Variants in CEP57L1 observed in about 807,000 individuals in gnomAD.
CEP57L1 encodes centrosomal protein 57 like 1.
CEP57L1 carries 37 observed loss-of-function variants against 61.0 expected under a neutral mutation model. The observed-to-expected ratio is 0.61, with a 90% CI of 0.47 to 0.80. The LOEUF (loss-of-function observed/expected upper bound fraction) is 0.80. CEP57L1 is among the 30% of genes least tolerant of loss of function. The pLI is 0.00. For missense variants in CEP57L1, 422 were observed against 524.7 expected, an observed-to-expected ratio of 0.80 and a Z score of 1.91; for synonymous variants, 137 against 162.3, an observed-to-expected ratio of 0.84 and a Z score of 1.19.
rs181369092 is a variant in CEP57L1 at position 109,158,787 on chromosome 6, T to G, written c.745-238T>G. 1.6e-4 allele frequency: 90 copies of G among 557,176 alleles called. 1 individual carries two copies. In the East Asian group the frequency reaches 2.7e-3, roughly 17 times the overall value. 34.5% of individuals were successfully genotyped at this position (557,176 alleles called of 1,614,324 possible). A position where few individuals can be genotyped will look rare whatever the true frequency, so the allele number is the denominator to read the frequency against. On this transcript the variant is annotated intron_variant, in intron 7 of 10. Coordinates refer to ENST00000517392, the MANE Select transcript of CEP57L1 (RefSeq NM_001271852.3). ...TTGTCACTGTTTTTTATTTTGGCCA[T>G]TCTGATAGATGTGCAGTGATATTTC...
intron 1 of CEP57L1, among the ~76,000 whole-genome samples, chr6:109,134,567 A>G (rs1031724687): frequency 6.6e-6 from 1 of 152,182 alleles, no homozygotes; most frequent in Non-Finnish European, 1.5e-5. Context: ...GGCCAGGGCA[A>G]TCAGGCAGGA....
intron 1 of CEP57L1, among the ~76,000 whole-genome samples, chr6:109,137,323 A>G (rs1176096640): frequency 6.6e-6 from 1 of 151,800 alleles, no homozygotes; most frequent in Non-Finnish European, 1.5e-5. Flanking sequence ...TTTCTTTGAG[A>G]TGGAGTCTCA....
chr6:109,105,664 C>G, intron 1 of CEP57L1, among the ~76,000 whole-genome samples: 1 of 152,094 alleles, frequency 6.6e-6, no homozygotes, highest in East Asian at 1.9e-4. Flanking sequence ...TTGCCATTAT[C>G]CCTATGATTC....
chr6:109,154,003 A>T (rs1011551195), intron 5 of CEP57L1, 54 bp downstream of exon 5: 4 of 933,684 alleles, frequency 4.3e-6, no homozygotes, highest in Non-Finnish European at 6.8e-6. Flanking sequence ...TGTTAAGCAT[A>T]ATTGGTATTT....
intron 1 of CEP57L1, among the ~76,000 whole-genome samples, chr6:109,136,705 ATTTTATT>A (rs1562100417): frequency 2.5e-5 from 2 of 78,676 alleles, no homozygotes; most frequent in Non-Finnish European, 5.7e-5. Context: ...TTGTATTTTT[ATTTTATT>A]TTATTTTATT....
At chr6:109,095,269 A>G, upstream of CEP57L1, 1 of 985,760 alleles carries the variant, frequency 1.0e-6, no homozygotes, top group Non-Finnish European at 1.2e-6. Context: ...GTAGAAGTAC[A>G]CTGAGACTTC....
At chr6:109,148,746 G>T (rs1324999581) in intron 3 of CEP57L1, among the ~76,000 whole-genome samples, 1 of 152,126 alleles carries the variant, frequency 6.6e-6, no homozygotes, top group Non-Finnish European at 1.5e-5. Flanking sequence ...CAATGTAAAA[G>T]TGTTCCTATT....
intron 1 of CEP57L1, among the ~76,000 whole-genome samples, chr6:109,139,446 G>A (rs1388102973): frequency 1.3e-5 from 2 of 151,876 alleles, no homozygotes; most frequent in African/African-American, 2.4e-5. Flanking sequence ...ATTACAGTAT[G>A]AGCCATCTCG....
At chr6:109,144,766 G>A (rs1583585192) in intron 1 of CEP57L1, among the ~76,000 whole-genome samples, 1 of 151,958 alleles carries the variant, frequency 6.6e-6, no homozygotes, top group Admixed American at 6.6e-5. Context: ...AATCCCTTAG[G>A]AAGCCATACA....
chr6:109,160,655 T>G lies in CEP57L1; in HGVS notation c.1100T>G (p.Leu367Ter). ...GACATAGAATGTGAACTAGAGTGTTTACTCAAGAAAATGGAAATTAAAGGA... is the reference window on the plus strand; with the variant it reads ...GACATAGAATGTGAACTAGAGTGTTGACTCAAGAAAATGGAAATTAAAGGA... ...CDDIECELEC[L>*]LKKMEIKGEQ... is the part of the protein sequence containing the mutation. Residue 367 changes from leucine (L) to a stop codon, truncating the protein, a stop_gained, in exon 10 of 11, where the codon TTA (leucine) becomes TGA (stop). Coordinates refer to ENST00000517392, the MANE Select transcript of CEP57L1 (RefSeq NM_001271852.3). LOFTEE classifies it high-confidence loss of function. 1 of 1,608,628 alleles carries G rather than the reference T, an allele frequency of 6.2e-7. No homozygotes were observed. Among genetic ancestry groups the G allele is most frequent in the Non-Finnish European group, 8.5e-7 (1 of 1,177,600 alleles).
chr6:109,151,869 T>C (rs1221814399), intron 4 of CEP57L1, among the ~76,000 whole-genome samples: 1 of 152,214 alleles, frequency 6.6e-6, no homozygotes, highest in Non-Finnish European at 1.5e-5. Context: ...AGAGTTCTTC[T>C]CTGTATTCCT....
chr6:109,113,692 T>G (rs972839408), intron 1 of CEP57L1, among the ~76,000 whole-genome samples: 1 of 152,164 alleles, frequency 6.6e-6, no homozygotes, highest in Non-Finnish European at 1.5e-5. Context: ...ATGTTAAATG[T>G]GAAAAAATGT....
intron 1 of CEP57L1, among the ~76,000 whole-genome samples, chr6:109,129,697 CT>C (rs1773967333): frequency 6.6e-6 from 1 of 152,030 alleles, no homozygotes. Context: ...AGGAGTCTGC[CT>C]TTTTGCATTA....
chr6:109,166,841 A>G lies in CEP57L1; in HGVS notation c.*3871A>G, dbSNP rs1774138683. On this transcript the variant is annotated 3_prime_UTR_variant, in exon 11 of 11. Transcript: ENST00000517392. ...ATGCAACAGCTGCCATTATTGGTGTAGAGTAAATAATGAAACTCCTAATGG... is the reference window on the plus strand; with the variant it reads ...ATGCAACAGCTGCCATTATTGGTGTGGAGTAAATAATGAAACTCCTAATGG... 6.6e-6 allele frequency among the ~76,000 whole-genome samples: 1 copy of G among 152,202 alleles called. No individual in the cohort carries two copies. Among genetic ancestry groups the G allele is most frequent in the Non-Finnish European group, 1.5e-5 (1 of 68,022 alleles).
At chr6:109,105,911 A>C (rs1482126918) in intron 1 of CEP57L1, 1 of 152,158 alleles carries the variant, frequency 6.6e-6, no homozygotes, top group African/African-American at 2.4e-5. Context: ...CTGTCAGATC[A>C]GCAGTAGCAT....
intron 1 of CEP57L1, among the ~76,000 whole-genome samples, chr6:109,132,834 GC>G (rs1460141213): frequency 6.6e-6 from 1 of 152,082 alleles, no homozygotes; most frequent in East Asian, 1.9e-4. Context: ...GTTTTAAGTT[GC>G]ATTTCCCTGG....
At chr6:109,135,718 GA>G (rs1213880285) in intron 1 of CEP57L1, among the ~76,000 whole-genome samples, 5 of 151,990 alleles carry the variant, frequency 3.3e-5, no homozygotes, top group African/African-American at 1.2e-4. Context: ...AAATTTACAA[GA>G]AAAAAACAAA....
chr6:109,165,145 A>G lies in CEP57L1; in HGVS notation c.*2175A>G, dbSNP rs1774014774. On this transcript the variant is annotated 3_prime_UTR_variant, in exon 11 of 11. Coordinates refer to ENST00000517392, the MANE Select transcript of CEP57L1 (RefSeq NM_001271852.3). ...ATTTCAACTGAGAATTTTCTTAAAA[A>G]TTAGTCCAGTGTAGTAGAAAAAACC... is the stretch of plus-strand genomic sequence containing the variant. 6.6e-6 allele frequency among the ~76,000 whole-genome samples: 1 copy of G among 152,132 alleles called. No homozygotes were observed. The highest frequency in any genetic ancestry group is 1.5e-5 in the Non-Finnish European group (1 of 68,036).
At chr6:109,112,116 A>G (rs908983215) in intron 1 of CEP57L1, among the ~76,000 whole-genome samples, 5 of 152,106 alleles carry the variant, frequency 3.3e-5, no homozygotes, top group Non-Finnish European at 1.5e-5. Flanking sequence ...CCCTCTTTGT[A>G]CCTCTGGTAG....
Sources: allele counts gnomAD v4.1 joint callset (sites outside exome capture counted in the v4.1 genomes callset), GRCh38; gene constraint gnomAD v4.1.1; transcripts MANE v1.5; gene names NCBI Gene and HGNC (gene_info 2026-07-23, HGNC 2026-07-21).